The following HENMT1 variants were observed in gnomAD, a reference collection of about 807,000 sequenced individuals.
HENMT1 encodes small RNA 2'-O-methyltransferase.
Under a neutral mutation model 31.1 loss-of-function variants are expected in HENMT1, and 27 were observed. The ratio of observed to expected loss-of-function variants is 0.87; its 90% CI spans 0.64 to 1.20. The LOEUF (loss-of-function observed/expected upper bound fraction) is 1.20. Among genes scored for constraint, HENMT1 ranks in the 50% most tolerant of loss-of-function variants. The pLI is 0.00. For missense variants in HENMT1, 438 were observed against 469.6 expected (o/e 0.93, Z 0.62); for synonymous variants, 167 against 172.2 (o/e 0.97, Z 0.24).
At chr1:108,652,391 G>T (rs902456314) in intron 5 of HENMT1, among the ~76,000 whole-genome samples, 3 of 152,156 alleles carry the variant, frequency 2.0e-5, no homozygotes, top group Non-Finnish European at 2.9e-5. Flanking sequence ...AATACACGTA[G>T]AAAGTTATAT....
At chr1:108,653,402 T>C (rs572174026) in intron 5 of HENMT1, among the ~76,000 whole-genome samples, 35 of 152,324 alleles carry the variant, frequency 2.3e-4, no homozygotes, top group East Asian at 2.1e-3. Context: ...TTAATAAACA[T>C]TGGGGTGCAC....
chr1:108,648,821 G>A lies in HENMT1; in HGVS notation c.927C>T (p.Ala309=), dbSNP rs747076994. ...AGACTGGTCCAAAGCATGGGACAGG[G>A]GCCTTTGAGCCACCAATGTCTTTGG... The part of the protein sequence containing the change: ...DKPKDIGGSK[A]PVPCFGPVFT... The change falls in exon 8 of 8, where the codon GCC becomes GCT. Residue 309 remains alanine (A), a synonymous_variant. Transcript: ENST00000651461. 1.1e-5 allele frequency: 17 copies of A among 1,614,044 alleles called. No homozygotes were observed. Among genetic ancestry groups the A allele is most frequent in the Non-Finnish European group, 1.3e-5 (15 of 1,180,030 alleles).
At chr1:108,649,200 A>C in intron 7 of HENMT1, 1 of 630,834 alleles carries the variant, frequency 1.6e-6, no homozygotes, top group South Asian at 1.7e-5. Flanking sequence ...TCTAATGCTA[A>C]TGCCCAATGT....
At chr1:108,658,973 A>G (rs2101003502) in intron 2 of HENMT1, among the ~76,000 whole-genome samples, 1 of 152,356 alleles carries the variant, frequency 6.6e-6, no homozygotes, top group Non-Finnish European at 1.5e-5. Context: ...TTGTAGCCCA[A>G]GAATTGGAAT....
chr1:108,651,557 A>G, intron 5 of HENMT1: 1 of 166,130 alleles, frequency 6.0e-6, no homozygotes. Flanking sequence ...AGGCGGGAGA[A>G]TCACTTGAAC....
At chr1:108,657,256 T>C (rs1381970649) in intron 3 of HENMT1, among the ~76,000 whole-genome samples, 195 bp downstream of exon 3, 1 of 152,190 alleles carries the variant, frequency 6.6e-6, no homozygotes, top group Non-Finnish European at 1.5e-5. Context: ...TTTCTAGCTT[T>C]GTTCACTTCT....
chr1:108,652,030 T>C (rs773324777), intron 5 of HENMT1, among the ~76,000 whole-genome samples: 9 of 152,166 alleles, frequency 5.9e-5, no homozygotes, highest in Non-Finnish European at 1.0e-4. Flanking sequence ...TTCTAGAAAA[T>C]AGCACATATT....
At chr1:108,652,907 G>A (rs541075636) in intron 5 of HENMT1, among the ~76,000 whole-genome samples, 2 of 151,842 alleles carry the variant, frequency 1.3e-5, no homozygotes, top group South Asian at 2.1e-4. Context: ...TCGCGCCATT[G>A]CACTCCAGCC....
intron 5 of HENMT1, among the ~76,000 whole-genome samples, chr1:108,652,424 T>C (rs1658083987): frequency 6.6e-6 from 1 of 152,066 alleles, no homozygotes; most frequent in African/African-American, 2.4e-5. Flanking sequence ...ACACAGTAAA[T>C]AGGATCAAAT....
chr1:108,660,701 G>T (rs1056493146), intron 1 of HENMT1, among the ~76,000 whole-genome samples: 6 of 151,928 alleles, frequency 3.9e-5, no homozygotes, highest in Admixed American at 2.0e-4. Context: ...GAGGCGGGCG[G>T]ATCACGAGGT....
chr1:108,657,986 T>C (rs1031988721), intron 2 of HENMT1, among the ~76,000 whole-genome samples: 19 of 128,098 alleles, frequency 1.5e-4, no homozygotes, highest in Middle Eastern at 3.7e-3. Context: ...CACACACACA[T>C]ATATATACAC....
At chr1:108,657,638 AT>A in intron 2 of HENMT1, 59 bp from the exon 3 acceptor site, 1 of 1,529,442 alleles carries the variant, frequency 6.5e-7, no homozygotes, top group Non-Finnish European at 8.8e-7. Context: ...CAGAAATTAA[AT>A]AAGGGGCAAA....
At chr1:108,657,179 C>G (rs936077793) in intron 3 of HENMT1, among the ~76,000 whole-genome samples, 1 of 152,132 alleles carries the variant, frequency 6.6e-6, no homozygotes, top group Non-Finnish European at 1.5e-5. Flanking sequence ...CCTGAGGAAA[C>G]AGCCCCCTCC....
rs1187688172 is a variant in HENMT1, at chr1:108,655,679, C to A, written c.170G>T (p.Gly57Val). The change falls in exon 4 of 8, where the codon GGT becomes GTT. Residue 57 changes from glycine (G) to valine (V), a missense_variant. Transcript: ENST00000651461. Reference sequence around the variant, plus strand: ...TAGCAGCCTTAAGAGTGAAGTATCACCACATCCCAGGTCTGCAACCTGTAG... The same window carrying A: ...TAGCAGCCTTAAGAGTGAAGTATCAACACATCCCAGGTCTGCAACCTGTAG... ...EPKKVADLGCGDTSLLRLLKV... is the reference protein window; with the variant it reads ...EPKKVADLGCVDTSLLRLLKV... 1 of 1,610,476 alleles carries A rather than the reference C, an allele frequency of 6.2e-7. No individual in the cohort carries two copies. The highest frequency in any genetic ancestry group is 2.2e-5 in the East Asian group (1 of 44,718).
Position 108,661,031 on chromosome 1 carries a change from CCGAAAAAACAAAGCTCGT to C in HENMT1, c.-165_-148del. On this transcript the variant is annotated 5_prime_UTR_variant, in exon 1 of 8. Coordinates refer to ENST00000651461, the MANE Select transcript of HENMT1 (RefSeq NM_001102592.2). ...ATCCTGCGGTAAGCAGCATGCCCAA[CCGAAAAAACAAAGCTCGT>C]CGCGGAGCCGCCAGCGTCCTCAACT... 1 of 984,720 alleles carries C rather than the reference CCGAAAAAACAAAGCTCGT, an allele frequency of 1.0e-6. No homozygotes were observed. Among genetic ancestry groups the C allele is most frequent in the Non-Finnish European group, 1.2e-6 (1 of 829,300 alleles). The allele number at this position is 984,720 out of a possible 1,614,324, so 61.0% of individuals were successfully genotyped here.
In HENMT1 at chr1:108,658,070, T is replaced by TACAC. The variant is rs139208659; in HGVS notation, c.22-495_22-492dup. Among the ~76,000 whole-genome samples, 223 of 140,146 alleles carry TACAC rather than the reference T, an allele frequency of 1.6e-3. 5 individuals carry two copies. The highest frequency in any genetic ancestry group is 5.7e-3 in the African/African-American group (213 of 37,274). 91.9% of individuals were successfully genotyped at this position (140,146 alleles called of 152,430 possible). A position where few individuals can be genotyped will look rare whatever the true frequency, so the allele number is the denominator to read the frequency against. ...ATACACACACACACACATATATATG[T>TACAC]ACACACACACACACACACACACACA... On this transcript the variant is annotated intron_variant, in intron 2 of 7. Transcript: ENST00000651461.
In HENMT1 at chr1:108,651,026, T is replaced by C; in HGVS notation, c.578+4A>G. The C allele has an allele frequency of 6.2e-7, 1 of 1,607,888 alleles. No homozygotes were observed. Among genetic ancestry groups the C allele is most frequent in the Non-Finnish European group, 8.5e-7 (1 of 1,175,646 alleles). On this transcript the variant is annotated splice_donor_region_variant and intron_variant, in intron 6 of 7. Transcript: ENST00000651461. ...CAAATAAACAAAAACCCTTCTGAAC[T>C]TACCAGGTCTGAAACTCCATTCTGG...
At chr1:108,654,650 A>G (rs1658158763) in intron 5 of HENMT1, 66 bp downstream of exon 5, 3 of 1,508,566 alleles carry the variant, frequency 2.0e-6, no homozygotes, top group Non-Finnish European at 2.7e-6. Flanking sequence ...TAGGACACTA[A>G]GATCACTGAG....
intron 3 of HENMT1, among the ~76,000 whole-genome samples, 172 bp from the exon 4 acceptor site, chr1:108,655,870 C>CACACACAT (rs1187390859): frequency 1.3e-5 from 2 of 151,320 alleles, no homozygotes; most frequent in African/African-American, 4.9e-5. Flanking sequence ...CACACACACA[C>CACACACAT]ACACACACAC....
Sources: allele counts gnomAD v4.1 joint callset (sites outside exome capture counted in the v4.1 genomes callset), GRCh38; gene constraint gnomAD v4.1.1; transcripts MANE v1.5; gene names NCBI Gene and HGNC (gene_info 2026-07-23, HGNC 2026-07-21).